The following HDAC9 variants were observed in gnomAD, a reference collection of about 807,000 sequenced individuals.
The protein encoded by HDAC9 is MEF-2 interacting transcription repressor (MITR) protein.
A neutral mutation model predicts 139.4 loss-of-function variants in HDAC9; 41 were observed. The observed-to-expected ratio is 0.29, with a 90% CI of 0.23 to 0.38. HDAC9 has a LOEUF of 0.38. Among genes scored for constraint, HDAC9 ranks in the 10% least tolerant of loss-of-function variants. The pLI, the probability that HDAC9 is intolerant of heterozygous loss-of-function variation, is 1.00. For synonymous variants in HDAC9, 517 were observed against 476.2 expected (o/e 1.09, Z -1.12); for missense variants, 1,147 against 1,297.0 (o/e 0.88, Z 1.78).
At chr7:18,507,357 GT>G (rs902894000) in intron 2 of HDAC9, among the ~76,000 whole-genome samples, 24 of 149,582 alleles carry the variant, frequency 1.6e-4, no homozygotes, top group African/African-American at 4.9e-4. Context: ...CGCCCGGCTA[GT>G]TTTTTTTTGT....
intron 1 of HDAC9, among the ~76,000 whole-genome samples, chr7:18,117,186 T>A (rs1445611977): frequency 6.6e-6 from 1 of 152,142 alleles, no homozygotes; most frequent in Non-Finnish European, 1.5e-5. Flanking sequence ...TCTTTGCCGA[T>A]GTAATGAAGT....
intron 1 of HDAC9, among the ~76,000 whole-genome samples, chr7:18,445,726 T>G (rs1792230264): frequency 6.6e-6 from 1 of 152,238 alleles, no homozygotes. Flanking sequence ...AAACAATGTT[T>G]TGAAACTTCA....
chr7:18,701,384 G>A (rs177080), intron 12 of HDAC9, among the ~76,000 whole-genome samples: 63,517 of 146,748 alleles, frequency 0.43, 16,791 homozygotes, highest in African/African-American at 0.74. Context: ...TGATTCTGTT[G>A]TGGCGTCTGA....
chr7:18,262,231 C>T (rs569437895), intron 2 of HDAC9, among the ~76,000 whole-genome samples: 1 of 152,294 alleles, frequency 6.6e-6, no homozygotes, highest in African/African-American at 2.4e-5. Context: ...GAGAGATAAT[C>T]TTGAAAGTGG....
chr7:18,764,676 A>T, intron 15 of HDAC9, among the ~76,000 whole-genome samples: 1 of 152,092 alleles, frequency 6.6e-6, no homozygotes. Context: ...AAGCTGCCAT[A>T]TGTGAATGTA....
At chr7:18,908,061 C>T (rs183859940) in intron 22 of HDAC9, among the ~76,000 whole-genome samples, 1 of 151,802 alleles carries the variant, frequency 6.6e-6, no homozygotes, top group African/African-American at 2.4e-5. Context: ...TTATATGGAC[C>T]ATTTTTAAAT....
At chr7:18,451,711 G>GT (rs1260857976) in intron 1 of HDAC9, among the ~76,000 whole-genome samples, 1 of 151,878 alleles carries the variant, frequency 6.6e-6, no homozygotes, top group African/African-American at 2.4e-5. Context: ...CGGGGGTTGG[G>GT]TGGGGGGAAA....
intron 17 of HDAC9, among the ~76,000 whole-genome samples, chr7:18,823,798 G>T (rs778443519): frequency 6.6e-6 from 1 of 151,878 alleles, no homozygotes; most frequent in Non-Finnish European, 1.5e-5. Flanking sequence ...GGGCAACAGA[G>T]CAAAACCCCA....
chr7:18,496,454 G>A, intron 2 of HDAC9, 130 bp downstream of exon 2: 2 of 753,438 alleles, frequency 2.7e-6, no homozygotes, highest in South Asian at 3.4e-5. Context: ...TTTTCTTGGT[G>A]CGTCTGTAGG....
At chr7:18,642,068 C>A (rs1328094921) in intron 8 of HDAC9, among the ~76,000 whole-genome samples, 2 of 151,964 alleles carry the variant, frequency 1.3e-5, no homozygotes, top group Non-Finnish European at 2.9e-5. Context: ...ATCTGTAATC[C>A]AAGGAGATAA....
chr7:18,117,358 C>T (rs553357852), intron 1 of HDAC9, among the ~76,000 whole-genome samples: 115 of 151,878 alleles, frequency 7.6e-4, no homozygotes, highest in African/African-American at 2.3e-3. Flanking sequence ...TGGTGGTGGG[C>T]GCCTGTAGTC....
chr7:18,252,399 T>G (rs1441909464), intron 2 of HDAC9, among the ~76,000 whole-genome samples: 1 of 152,158 alleles, frequency 6.6e-6, no homozygotes. Flanking sequence ...ATCTTAGACT[T>G]TAATGTTTTT....
chr7:18,948,658 C>A (rs1460904377), intron 23 of HDAC9, among the ~76,000 whole-genome samples: 1 of 152,082 alleles, frequency 6.6e-6, no homozygotes, highest in Non-Finnish European at 1.5e-5. Flanking sequence ...CTGACCACTA[C>A]TATACTATAT....
intron 22 of HDAC9, among the ~76,000 whole-genome samples, chr7:18,913,117 G>C (rs888220430): frequency 6.6e-6 from 1 of 152,012 alleles, no homozygotes; most frequent in Non-Finnish European, 1.5e-5. Context: ...CTAGAACAAA[G>C]GCTGTATAAG....
At chr7:18,289,325 T>A (rs1454277932), upstream of HDAC9, among the ~76,000 whole-genome samples, 1 of 152,186 alleles carries the variant, frequency 6.6e-6, no homozygotes, top group Non-Finnish European at 1.5e-5. Context: ...ATAAATTCAA[T>A]AAGTCTTCAA....
chr7:18,422,017 C>A (rs1432724332), intron 1 of HDAC9, among the ~76,000 whole-genome samples: 2 of 152,134 alleles, frequency 1.3e-5, no homozygotes, highest in Non-Finnish European at 2.9e-5. Context: ...ACTGCATATC[C>A]TTGTGTTTTC....
intron 12 of HDAC9, among the ~76,000 whole-genome samples, chr7:18,681,707 C>G (rs1276882249): frequency 6.6e-6 from 1 of 151,996 alleles, no homozygotes; most frequent in Admixed American, 6.6e-5. Context: ...CAGTTTAGAA[C>G]TTCAAGAAGA....
intron 12 of HDAC9, among the ~76,000 whole-genome samples, chr7:18,722,583 G>A (rs1785225185): frequency 6.6e-6 from 1 of 152,134 alleles, no homozygotes; most frequent in South Asian, 2.1e-4. Flanking sequence ...ACAGAAAAAT[G>A]TAATTTCAGC....
At chr7:18,748,945 A>C in intron 13 of HDAC9, 60 bp from the exon 14 acceptor site, 1 of 1,489,126 alleles carries the variant, frequency 6.7e-7, no homozygotes, top group South Asian at 1.2e-5. Context: ...TTATCTCCTA[A>C]CATGTGTCAT....
Sources: allele counts gnomAD v4.1 joint callset (sites outside exome capture counted in the v4.1 genomes callset), GRCh38; gene constraint gnomAD v4.1.1; transcripts MANE v1.5; gene names NCBI Gene and HGNC (gene_info 2026-07-23, HGNC 2026-07-21).